SMC4: variants seen among roughly 807,000 people sequenced by gnomAD.
The protein encoded by SMC4 is structural maintenance of chromosomes 4, also known as structural maintenance of chromosomes protein 4.
In SMC4, 87 loss-of-function variants were observed where a neutral mutation model predicts 145.6. That is an observed-to-expected ratio of 0.60 (90% CI 0.50 to 0.71). The LOEUF (loss-of-function observed/expected upper bound fraction) is 0.71. Ranked by LOEUF, SMC4 falls within the 30% of genes least tolerant of loss-of-function variation. The pLI is 0.00. For synonymous variants in SMC4, 558 were observed against 500.7 expected, an observed-to-expected ratio of 1.11 and a Z score of -1.53; for missense variants, 1,447 against 1,537.1, an observed-to-expected ratio of 0.94 and a Z score of 0.98.
At chr3:160,401,371 C>T (rs909913607) in intron 2 of SMC4, among the ~76,000 whole-genome samples, 4 of 152,050 alleles carry the variant, frequency 2.6e-5, no homozygotes, top group Non-Finnish European at 4.4e-5. Flanking sequence ...CTAACCTCAC[C>T]TCCGTGGTGT....
chr3:160,430,891 T>A, intron 19 of SMC4, 141 bp from the exon 20 acceptor site: 2 of 1,238,324 alleles, frequency 1.6e-6, no homozygotes, highest in Non-Finnish European at 2.2e-6. Context: ...ATAAGAATAC[T>A]ATAATTTGTG....
intron 5 of SMC4, among the ~76,000 whole-genome samples, chr3:160,405,951 C>CA (rs1400667357): frequency 3.3e-5 from 5 of 151,920 alleles, no homozygotes; most frequent in South Asian, 2.1e-4. Flanking sequence ...CTGGGATAAT[C>CA]AAAGTTTTAC....
At chr3:160,429,510 ATTTTTGTATTTTTTTTGTAGAG>A (rs1297423230) in intron 18 of SMC4, among the ~76,000 whole-genome samples, 31 of 151,572 alleles carry the variant, frequency 2.0e-4, no homozygotes, top group African/African-American at 7.5e-4. Flanking sequence ...CACCTGGCTA[ATTTTTGTATTTTTTTTGTAGAG>A]ACCAGAGTTT....
chr3:160,406,631 T>C (rs116094769), intron 5 of SMC4, among the ~76,000 whole-genome samples: 1,570 of 152,300 alleles, frequency 0.01, 26 homozygotes, highest in Admixed American at 0.013. Flanking sequence ...GTAATAGTGA[T>C]TAACAGCAAA....
At chr3:160,427,933 ACACG>A (rs975710962) in intron 17 of SMC4, among the ~76,000 whole-genome samples, 4 of 151,990 alleles carry the variant, frequency 2.6e-5, no homozygotes, top group African/African-American at 4.8e-5. Flanking sequence ...TGAAAAATAC[ACACG>A]CACGCACACA....
intron 15 of SMC4, among the ~76,000 whole-genome samples, chr3:160,424,335 C>CAAGT (rs1259238755): frequency 6.6e-6 from 1 of 152,116 alleles, no homozygotes; most frequent in Non-Finnish European, 1.5e-5. Context: ...TTTGAAAATA[C>CAAGT]AAGTTTATGT....
chr3:160,402,215 A>G, intron 3 of SMC4, 122 bp downstream of exon 3: 3 of 572,260 alleles, frequency 5.2e-6, no homozygotes, highest in Non-Finnish European at 8.7e-6. Flanking sequence ...ATTTATCCTG[A>G]TAGTCTTTCT....
intron 11 of SMC4, among the ~76,000 whole-genome samples, chr3:160,418,930 CCAGCCCCGTT>C (rs1318514194): frequency 3.9e-5 from 6 of 152,122 alleles, no homozygotes; most frequent in Non-Finnish European, 8.8e-5. Context: ...CCAGTACCCC[CCAGCCCCGTT>C]CAGCTAAAAT....
In SMC4 at chr3:160,430,622, C is replaced by T. The variant is rs752188085; in HGVS notation, c.2819C>T (p.Ser940Phe). 2.0e-5 allele frequency: 32 copies of T among 1,608,992 alleles called. No homozygotes were observed. In the Admixed American group the frequency reaches 5.3e-4, roughly 26 times the overall value. The part of the protein sequence containing the change: ...ADRNLQKAQD[S>F]VLRTEKEIKD... ...AGAAACCTTCAAAAGGCACAAGACT[C>T]TGTCTTGCGTACAGAGAAAGAAATA... is the stretch of plus-strand genomic sequence containing the variant. The change falls in exon 19 of 24, where the codon TCT becomes TTT. Residue 940 changes from serine to phenylalanine, a missense_variant. Ser to Phe is a radical substitution (Grantham distance 155, BLOSUM62 -2). Transcript: ENST00000357388.
chr3:160,402,944 C>T (rs1714868270), intron 4 of SMC4, 77 bp downstream of exon 4: 3 of 1,118,554 alleles, frequency 2.7e-6, no homozygotes, highest in East Asian at 5.5e-5. Context: ...TTATTTTTGG[C>T]TTTAAGAAAT....
Position 160,400,813 on chromosome 3 carries a change from CG to C in SMC4, c.-5-7del. 1 of 1,517,718 alleles carries C rather than the reference CG, an allele frequency of 6.6e-7. No individual in the cohort carries two copies. Among genetic ancestry groups the C allele is most frequent in the Non-Finnish European group, 8.7e-7 (1 of 1,142,990 alleles). The allele number at this position is 1,517,718 out of a possible 1,614,324, so 94.0% of individuals were successfully genotyped here. A position where few individuals can be genotyped will look rare whatever the true frequency, so the allele number is the denominator to read the frequency against. Reference sequence around the variant, plus strand: ...GGCTGACTTGCTCCCGGCTGTCCCCCGGCCCCAGCGACCATGCCCCGTAAAG... The same window carrying C: ...GGCTGACTTGCTCCCGGCTGTCCCCCGCCCCAGCGACCATGCCCCGTAAAG... On this transcript the variant is annotated splice_polypyrimidine_tract_variant and splice_region_variant and intron_variant, in intron 1 of 23. Transcript: ENST00000357388.
chr3:160,422,685 G>A (rs1243320606), intron 13 of SMC4, among the ~76,000 whole-genome samples: 1 of 151,316 alleles, frequency 6.6e-6, no homozygotes, highest in Non-Finnish European at 1.5e-5. Flanking sequence ...TTTTTCCTTT[G>A]GTTGCTTGTG....
chr3:160,425,123 A>T, intron 16 of SMC4, 104 bp downstream of exon 16: 1 of 1,419,024 alleles, frequency 7.0e-7, no homozygotes, highest in Non-Finnish European at 9.3e-7. Context: ...TTTATTAAAT[A>T]TATAAGGGAG....
intron 12 of SMC4, among the ~76,000 whole-genome samples, chr3:160,420,302 A>G (rs1277016734): frequency 6.6e-6 from 1 of 152,208 alleles, no homozygotes; most frequent in African/African-American, 2.4e-5. Context: ...TTGTATCGGG[A>G]CTTCCACCTT....
At position 160,416,425 on chromosome 3, in the gene SMC4, T is replaced by G; in HGVS notation, c.1437+10T>G. The stretch of plus-strand genomic sequence containing the variant: ...TCAGAAAGAAAAAGAAGTAAGTTTT[T>G]TTTTTTTATCAGTGTTTATTTTGGT... On this transcript the variant is annotated intron_variant, in intron 10 of 23. Coordinates refer to ENST00000357388, the MANE Select transcript of SMC4 (RefSeq NM_001002800.3). The G allele has an allele frequency of 1.4e-6, 2 of 1,462,706 alleles. No homozygotes were observed. Among genetic ancestry groups the G allele is most frequent in the Non-Finnish European group, 1.8e-6 (2 of 1,102,186 alleles). 90.6% of individuals were successfully genotyped at this position (1,462,706 alleles called of 1,614,324 possible).
rs540462460 is a variant in SMC4 at position 160,426,233 on chromosome 3, A to G, written c.2605+33A>G. The G allele has an allele frequency of 2.6e-4, 401 of 1,520,756 alleles. 1 individual carries two copies. In the African/African-American group the frequency reaches 4.8e-3, roughly 18 times the overall value. The allele number at this position is 1,520,756 out of a possible 1,614,324, so 94.2% of individuals were successfully genotyped here. A position where few individuals can be genotyped will look rare whatever the true frequency, so the allele number is the denominator to read the frequency against. On this transcript the variant is annotated intron_variant, in intron 17 of 23. Transcript: ENST00000357388. Reference sequence around the variant, plus strand: ...TAGAGATAGACCTTTTTTGGGGGGAAAAAAAAAACAGGTTTTTAAAGCTTG... The same window carrying G: ...TAGAGATAGACCTTTTTTGGGGGGAGAAAAAAAACAGGTTTTTAAAGCTTG...
At position 160,425,112 on chromosome 3, in the gene SMC4, A is replaced by G. The variant is rs1717644254; in HGVS notation, c.2478+93A>G. 7.0e-6 allele frequency: 10 copies of G among 1,436,358 alleles called. No homozygotes were observed. In the East Asian group the frequency reaches 2.5e-4, roughly 36 times the overall value. 89.0% of individuals were successfully genotyped at this position (1,436,358 alleles called of 1,614,324 possible). Reference sequence around the variant, plus strand: ...AGAACCATTTTGCTATTTGCTTACAATTTATTAAATATATAAGGGAGGGAG... The same window carrying G: ...AGAACCATTTTGCTATTTGCTTACAGTTTATTAAATATATAAGGGAGGGAG... On this transcript the variant is annotated intron_variant, in intron 16 of 23. Transcript: ENST00000357388.
chr3:160,433,690 T>A lies in SMC4; in HGVS notation c.3748T>A (p.Ser1250Thr). Residue 1250 changes from serine (S) to threonine (T), a missense_variant, in exon 24 of 24, where the codon TCT (serine) becomes ACT (threonine). Physicochemically the swap from Ser to Thr is moderately conservative, Grantham distance 58. Transcript: ENST00000357388. Reference protein sequence around the residue: ...QTKNAQFIIISLRNNMFEISD... With the variant: ...QTKNAQFIIITLRNNMFEISD... ...AAAAAATGCACAGTTCATAATAATTTCTCTTCGAAATAATATGTTTGAGAT... is the reference window on the plus strand; with the variant it reads ...AAAAAATGCACAGTTCATAATAATTACTCTTCGAAATAATATGTTTGAGAT... 6.3e-7 allele frequency: 1 copy of A among 1,579,320 alleles called. No homozygotes were observed. Among genetic ancestry groups the A allele is most frequent in the Non-Finnish European group, 8.6e-7 (1 of 1,162,134 alleles).
chr3:160,423,791 T>G lies in SMC4; in HGVS notation c.2276T>G (p.Met759Arg), dbSNP rs1187448605. The change falls in exon 15 of 24, where the codon ATG becomes AGG. Residue 759 changes from methionine to arginine, a missense_variant. Transcript: ENST00000357388. Reference protein sequence around the residue: ...GTMTGGGSKVMKGRMGSSLVI... With the variant: ...GTMTGGGSKVRKGRMGSSLVI... Reference sequence around the variant, plus strand: ...ATGACTGGTGGTGGAAGCAAAGTAATGAAAGGAAGAATGGGTTCCTCACTT... The same window carrying G: ...ATGACTGGTGGTGGAAGCAAAGTAAGGAAAGGAAGAATGGGTTCCTCACTT... The G allele has an allele frequency of 6.2e-7, 1 of 1,613,692 alleles. No homozygotes were observed. Among genetic ancestry groups the G allele is most frequent in the Non-Finnish European group, 8.5e-7 (1 of 1,179,876 alleles).
Sources: gnomAD v4.1 joint callset for allele counts (sites outside exome capture counted in the v4.1 genomes callset) on GRCh38, gnomAD v4.1.1 for gene constraint, MANE v1.5 for transcripts, NCBI Gene and HGNC (gene_info 2026-07-23, HGNC 2026-07-21) for gene names.